CNOT1: variants seen among roughly 807,000 people sequenced by gnomAD.
The protein encoded by CNOT1 is CCR4-associated factor 1.
A neutral mutation model predicts 273.8 loss-of-function variants in CNOT1; 15 were observed. That is an observed-to-expected ratio of 0.05 (90% CI 0.04 to 0.08). The LOEUF is 0.08. Ranked by LOEUF, CNOT1 falls within the 10% of genes least tolerant of loss-of-function variation. The pLI, the probability that CNOT1 is intolerant of heterozygous loss-of-function variation, is 1.00. For synonymous variants in CNOT1, 1,022 were observed against 1,005.5 expected, an observed-to-expected ratio of 1.02 and a Z score of -0.31; for missense variants, 1,644 against 2,912.2, an observed-to-expected ratio of 0.56 and a Z score of 10.02.
chr16:58,554,940 A>G (rs77024845), intron 21 of CNOT1, among the ~76,000 whole-genome samples: 127 of 71,468 alleles, frequency 1.8e-3, no homozygotes, highest in South Asian at 5.3e-3. Context: ...CATCTCAAAA[A>G]AAAAAAAAAA....
intron 42 of CNOT1, among the ~76,000 whole-genome samples, chr16:58,531,344 T>G (rs1234528956): frequency 6.6e-6 from 1 of 152,266 alleles, no homozygotes; most frequent in Non-Finnish European, 1.5e-5. Flanking sequence ...AGTACTCATT[T>G]GCCAATTTAA....
intron 44 of CNOT1, 166 bp downstream of exon 44, chr16:58,528,309 A>G (rs1383787555): frequency 4.6e-6 from 3 of 647,668 alleles, no homozygotes; most frequent in Non-Finnish European, 8.3e-6. Context: ...AATAGCAACA[A>G]TATCATACCT....
At chr16:58,596,165 G>C (rs1031031949) in intron 2 of CNOT1, among the ~76,000 whole-genome samples, 1 of 152,210 alleles carries the variant, frequency 6.6e-6, no homozygotes, top group Non-Finnish European at 1.5e-5. Context: ...AGCTGTCTAA[G>C]ATGTGGCCCT....
rs202053570 is a variant in CNOT1, at chr16:58,539,757, T to A, written c.4992+11A>T. On this transcript the variant is annotated intron_variant, in intron 35 of 48. Coordinates refer to ENST00000317147, the MANE Select transcript of CNOT1 (RefSeq NM_016284.5). ...CTAGCATTTTCTAAAAGTAATAGCT[T>A]AAGAACCAACCTTTTGGAGCAATCC... is the stretch of plus-strand genomic sequence containing the variant. 68 of 1,605,576 alleles carry A rather than the reference T, an allele frequency of 4.2e-5. No homozygotes were observed. Among genetic ancestry groups the A allele is most frequent in the Non-Finnish European group, 4.8e-5 (57 of 1,175,802 alleles).
At position 58,542,586 on chromosome 16, in the gene CNOT1, TGG is replaced by T; in HGVS notation, c.4435-20_4435-19del. On this transcript the variant is annotated intron_variant, in intron 31 of 48. Coordinates refer to ENST00000317147, the MANE Select transcript of CNOT1 (RefSeq NM_016284.5). ...GAAGCAGTCTATTAATGGAGGTGGG[TGG>T]GGGGGTGGGGGGAATAGAAGGAAAA... 1.9e-5 allele frequency: 1 copy of T among 53,166 alleles called. No homozygotes were observed. The highest frequency in any genetic ancestry group is 2.1e-4 in the South Asian group (1 of 4,698). The allele number at this position is 53,166 out of a possible 1,614,324, so 3.3% of individuals were successfully genotyped here. A position where few individuals can be genotyped will look rare whatever the true frequency, so the allele number is the denominator to read the frequency against.
chr16:58,564,806 C>T (rs367990410), intron 16 of CNOT1, among the ~76,000 whole-genome samples: 3 of 151,902 alleles, frequency 2.0e-5, no homozygotes, highest in East Asian at 1.9e-4. Flanking sequence ...AGTGGTGGCG[C>T]GCACCTGTAA....
intron 22 of CNOT1, among the ~76,000 whole-genome samples, chr16:58,553,260 T>C (rs12445577): frequency 0.75 from 114,260 of 151,560 alleles, 43,472 homozygotes; most frequent in Middle Eastern, 0.87. Context: ...GAGCAAGATT[T>C]CATCTCCCCC....
At chr16:58,562,107 G>C (rs2040866478) in intron 16 of CNOT1, among the ~76,000 whole-genome samples, 1 of 151,880 alleles carries the variant, frequency 6.6e-6, no homozygotes, top group African/African-American at 2.4e-5. Context: ...GGCTGAGGCA[G>C]GAGAATTGCT....
rs372720936 is a variant in CNOT1, at chr16:58,542,213, C to G, written c.4680+18G>C. The G allele has an allele frequency of 6.2e-6, 10 of 1,611,880 alleles. No homozygotes were observed. The African/African-American group carries it at 1.3e-4, about 22-fold the overall frequency. On this transcript the variant is annotated intron_variant, in intron 33 of 48. Coordinates refer to ENST00000317147, the MANE Select transcript of CNOT1 (RefSeq NM_016284.5). ...AAAACAAAGATGGGACGGGGAAAGA[C>G]AGAGCCCCAATTCTCACTTTCAGCC...
chr16:58,567,235 CAG>C (rs1412633844), intron 16 of CNOT1, among the ~76,000 whole-genome samples: 3 of 152,096 alleles, frequency 2.0e-5, no homozygotes, highest in Non-Finnish European at 2.9e-5. Flanking sequence ...CTTTAGGATG[CAG>C]AGAGGACTGC....
chr16:58,554,043 G>T (rs1219555879), intron 21 of CNOT1, among the ~76,000 whole-genome samples, 183 bp from the exon 22 acceptor site: 1 of 152,024 alleles, frequency 6.6e-6, no homozygotes, highest in Non-Finnish European at 1.5e-5. Flanking sequence ...GATTTTCACA[G>T]GATTTACATC....
chr16:58,544,009 T>A (rs1436610582), intron 30 of CNOT1, 106 bp from the exon 31 acceptor site: 10 of 1,442,010 alleles, frequency 6.9e-6, no homozygotes, highest in Non-Finnish European at 9.1e-6. Context: ...AACCAAAAAC[T>A]ACCAGTTTCT....
At chr16:58,585,794 T>C (rs192128192) in intron 7 of CNOT1, among the ~76,000 whole-genome samples, 1 of 152,290 alleles carries the variant, frequency 6.6e-6, no homozygotes, top group African/African-American at 2.4e-5. Flanking sequence ...ATTTGCACAA[T>C]AGGGCTATCA....
At chr16:58,521,959 A>T (rs1167775395) in intron 47 of CNOT1, among the ~76,000 whole-genome samples, 1 of 152,066 alleles carries the variant, frequency 6.6e-6, no homozygotes, top group Non-Finnish European at 1.5e-5. Context: ...TCAAATAAAC[A>T]GATAAATTAA....
intron 16 of CNOT1, among the ~76,000 whole-genome samples, chr16:58,572,433 A>C (rs917728771): frequency 2.0e-5 from 3 of 152,050 alleles, no homozygotes; most frequent in African/African-American, 4.8e-5. Flanking sequence ...CCAGGAGTTC[A>C]ACACTAGCCT....
At chr16:58,561,843 GTA>G (rs1288341359) in intron 16 of CNOT1, among the ~76,000 whole-genome samples, 3 of 152,176 alleles carry the variant, frequency 2.0e-5, no homozygotes, top group African/African-American at 7.2e-5. Context: ...TACTCAATCT[GTA>G]TTGCCTCATA....
chr16:58,581,688 G>C lies in CNOT1; in HGVS notation c.1045-173C>G, dbSNP rs186669755. ...TTTCTTTTTTTTTTTTTAAGACAGAGTCTCACTCCGTTGCTCAGGCTGCAG... is the reference window on the plus strand; with the variant it reads ...TTTCTTTTTTTTTTTTTAAGACAGACTCTCACTCCGTTGCTCAGGCTGCAG... On this transcript the variant is annotated intron_variant, in intron 10 of 48. Transcript: ENST00000317147. Among the ~76,000 whole-genome samples the C allele has an allele frequency of 1.3e-3, 204 of 151,238 alleles. 1 individual carries two copies. Among genetic ancestry groups the C allele is most frequent in the African/African-American group, 4.6e-3 (189 of 41,268 alleles).
At position 58,556,987 on chromosome 16, in the gene CNOT1, C is replaced by A. The variant is rs1199165880; in HGVS notation, c.2339G>T (p.Gly780Val). The A allele has an allele frequency of 6.2e-7, 1 of 1,613,822 alleles. No individual in the cohort carries two copies. Among genetic ancestry groups the A allele is most frequent in the Non-Finnish European group, 8.5e-7 (1 of 1,179,922 alleles). ...GGLSSQLPVG[G>V]LGTGSLTGIG... is the part of the protein sequence containing the mutation. ...ACCAGTCAGGCTGCCTGTGCCAAGA[C>A]CACCTACTAGAGAGAACGAAGGCAG... The change falls in exon 19 of 49, where the codon GGT becomes GTT. Residue 780 changes from glycine (G) to valine (V), a missense_variant. Gly to Val is a moderately radical substitution (Grantham distance 109). Coordinates refer to ENST00000317147, the MANE Select transcript of CNOT1 (RefSeq NM_016284.5).
intron 1 of CNOT1, among the ~76,000 whole-genome samples, chr16:58,617,790 G>A (rs2043146274): frequency 6.6e-6 from 1 of 152,140 alleles, no homozygotes; most frequent in African/African-American, 2.4e-5. Flanking sequence ...AGGACCACTT[G>A]AAACCAGGAG....
Sources: allele counts gnomAD v4.1 joint callset (sites outside exome capture counted in the v4.1 genomes callset), GRCh38; gene constraint gnomAD v4.1.1; transcripts MANE v1.5; gene names NCBI Gene and HGNC (gene_info 2026-07-23, HGNC 2026-07-21).